Variants in RCN3 observed in about 807,000 individuals in gnomAD.
RCN3 encodes the protein reticulocalbin-3.
RCN3 carries 41 observed loss-of-function variants against 35.9 expected under a neutral mutation model. The ratio of observed to expected loss-of-function variants is 1.14; its 90% CI spans 0.89 to 1.48. The LOEUF (loss-of-function observed/expected upper bound fraction) is 1.48, where lower values mean the gene tolerates loss of function less well. RCN3 is among the 40% of genes most tolerant of loss of function. The pLI, the probability that RCN3 is intolerant of heterozygous loss-of-function variation, is 0.00. For missense variants in RCN3, 451 were observed against 471.3 expected (o/e 0.96, Z 0.40); for synonymous variants, 187 against 193.4 (o/e 0.97, Z 0.27).
rs948281798 is a variant in RCN3, at chr19:49,543,222, C to T, written c.*9C>T. On this transcript the variant is annotated 3_prime_UTR_variant, in exon 7 of 7. Coordinates refer to ENST00000270645, the MANE Select transcript of RCN3 (RefSeq NM_020650.3). ...ACCACGATGAGCTGTGAGCACCGCG[C>T]ACCTGCCACAGCCTCAGAGGCCCGC... 5.0e-6 allele frequency: 8 copies of T among 1,598,062 alleles called. No homozygotes were observed. In the Admixed American group the frequency reaches 1.4e-4, roughly 27 times the overall value.
intron 5 of RCN3, 52 bp downstream of exon 5, chr19:49,539,231 G>A: frequency 1.3e-6 from 2 of 1,490,652 alleles, no homozygotes. Context: ...TCAGGCATGG[G>A]CAGGGTTGGT....
At chr19:49,533,377 G>T (rs79476680) in intron 2 of RCN3, among the ~76,000 whole-genome samples, 15,222 of 152,192 alleles carry the variant, frequency 0.1, 888 homozygotes, top group African/African-American at 0.14. Flanking sequence ...GAGGGCTCCA[G>T]GTAGTCTCTG....
At chr19:49,539,681 G>A (rs963696663) in intron 5 of RCN3, among the ~76,000 whole-genome samples, 3 of 151,566 alleles carry the variant, frequency 2.0e-5, no homozygotes, top group African/African-American at 4.9e-5. Context: ...TGCCCCTAGC[G>A]GGCAAAAAAT....
intron 2 of RCN3, among the ~76,000 whole-genome samples, chr19:49,532,536 C>A (rs890820783): frequency 6.6e-6 from 1 of 152,042 alleles, no homozygotes; most frequent in Admixed American, 6.6e-5. Flanking sequence ...CCACTGTGCC[C>A]GGCTACTTTT....
chr19:49,530,647 C>T (rs1240385442), intron 2 of RCN3, among the ~76,000 whole-genome samples: 1 of 151,844 alleles, frequency 6.6e-6, no homozygotes. Context: ...CAGGCATGCA[C>T]CACCATGCCC....
At position 49,534,221 on chromosome 19, in the gene RCN3, G is replaced by A; in HGVS notation, c.271G>A (p.Gly91Arg). 1.3e-6 allele frequency: 2 copies of A among 1,487,636 alleles called. No homozygotes were observed. The highest frequency in any genetic ancestry group is 1.8e-6 in the Non-Finnish European group (2 of 1,123,610). 92.2% of individuals were successfully genotyped at this position (1,487,636 alleles called of 1,614,324 possible). A position where few individuals can be genotyped will look rare whatever the true frequency, so the allele number is the denominator to read the frequency against. The stretch of plus-strand genomic sequence containing the variant: ...GATCGTGGACCGCATGGACCGCGCG[G>A]GGGACGGCGACGGCTGGGTGTCGCT... ...GRIVDRMDRA[G>R]DGDGWVSLAE... The change falls in exon 3 of 7, where the codon GGG (glycine) becomes AGG (arginine). Residue 91 changes from glycine (G) to arginine (R), a missense_variant. Physicochemically the swap from Gly to Arg is moderately radical, Grantham distance 125. Coordinates refer to ENST00000270645, the MANE Select transcript of RCN3 (RefSeq NM_020650.3).
chr19:49,534,369 A>T lies in RCN3; in HGVS notation c.419A>T (p.Asn140Ile). 1.3e-6 allele frequency: 2 copies of T among 1,537,782 alleles called. No individual in the cohort carries two copies. The highest frequency in any genetic ancestry group is 1.7e-6 in the Non-Finnish European group (2 of 1,143,650). ...DGRVGWEELRNATYGHYAPGE... is the reference protein window; with the variant it reads ...DGRVGWEELRIATYGHYAPGE... ...CGTGTGGGTTGGGAGGAGCTGCGCAACGCCACCTATGGCCACTACGCGCCC... is the reference window on the plus strand; with the variant it reads ...CGTGTGGGTTGGGAGGAGCTGCGCATCGCCACCTATGGCCACTACGCGCCC... Residue 140 changes from asparagine (N) to isoleucine (I), a missense_variant, in exon 3 of 7, where the codon AAC (asparagine) becomes ATC (isoleucine). Physicochemically the swap from Asn to Ile is moderately radical, Grantham distance 149 (BLOSUM62 -3). Coordinates refer to ENST00000270645, the MANE Select transcript of RCN3 (RefSeq NM_020650.3).
intron 4 of RCN3, among the ~76,000 whole-genome samples, chr19:49,538,605 C>T (rs571389826): frequency 1.1e-3 from 165 of 152,234 alleles, no homozygotes; most frequent in Non-Finnish European, 1.0e-3. Context: ...AGCCACCGTG[C>T]CCAGCCCACA....
intron 2 of RCN3, among the ~76,000 whole-genome samples, chr19:49,531,799 GTTA>G (rs1029877941): frequency 6.6e-6 from 1 of 151,998 alleles, no homozygotes; most frequent in Non-Finnish European, 1.5e-5. Flanking sequence ...CTTTATTATT[GTTA>G]TTATTATTAT....
At chr19:49,541,118 C>T (rs926453345) in intron 5 of RCN3, among the ~76,000 whole-genome samples, 3 of 151,840 alleles carry the variant, frequency 2.0e-5, no homozygotes, top group African/African-American at 4.8e-5. Context: ...TTAGTAGAGA[C>T]GGGGTTTCAC....
rs201381223 is a variant in RCN3, at chr19:49,528,682, A to T, written c.210A>T (p.Gln70His). Residue 70 changes from glutamine (Q) to histidine (H), a missense_variant, in exon 2 of 7, where the codon CAA becomes CAT. Gln to His is a conservative substitution (Grantham distance 24). Coordinates refer to ENST00000270645, the MANE Select transcript of RCN3 (RefSeq NM_020650.3). The stretch of plus-strand genomic sequence containing the variant: ...GGGAAGTGGCCAAGGAATTCGACCA[A>T]CTCACCCCAGAGGAAAGCCAGGCCC... Reference protein sequence around the residue: ...LGREVAKEFDQLTPEESQARL... With the variant: ...LGREVAKEFDHLTPEESQARL... 2.5e-6 allele frequency: 4 copies of T among 1,606,056 alleles called. No homozygotes were observed. Among genetic ancestry groups the T allele is most frequent in the Non-Finnish European group, 3.4e-6 (4 of 1,176,312 alleles).
Position 49,539,128 on chromosome 19 carries a change from G to C in RCN3, c.628G>C (p.Glu210Gln), listed in dbSNP as rs750881502. 6.2e-7 allele frequency: 1 copy of C among 1,604,308 alleles called. No homozygotes were observed. Among genetic ancestry groups the C allele is most frequent in the South Asian group, 1.1e-5 (1 of 89,750 alleles). ...CCCCTTTCTCCTCCAGGAAACCCTG[G>C]AGGACCTGGACAGAAACAAAGATGG... is the stretch of plus-strand genomic sequence containing the variant. ...MRDIVIAETL[E>Q]DLDRNKDGYV... Residue 210 changes from glutamate to glutamine, a missense_variant, in exon 5 of 7, where the codon GAG becomes CAG. Physicochemically the swap from Glu to Gln is conservative, Grantham distance 29 (BLOSUM62 2). Transcript: ENST00000270645.
At chr19:49,541,748 G>A (rs1478981961) in intron 5 of RCN3, among the ~76,000 whole-genome samples, 1 of 151,736 alleles carries the variant, frequency 6.6e-6, no homozygotes, top group African/African-American at 2.4e-5. Flanking sequence ...TTGGGAGACT[G>A]AGGCAGGTGG....
chr19:49,542,821 C>G (rs2080169897), intron 6 of RCN3, 69 bp downstream of exon 6: 2 of 1,411,060 alleles, frequency 1.4e-6, no homozygotes, highest in African/African-American at 2.8e-5. Flanking sequence ...CAGAAAGGAG[C>G]AAGACCTGGG....
chr19:49,535,959 T>C (rs1332000921), intron 3 of RCN3, among the ~76,000 whole-genome samples: 1 of 148,192 alleles, frequency 6.7e-6, no homozygotes, highest in Non-Finnish European at 1.5e-5. Context: ...CTTAAATATA[T>C]ATACAAATTA....
At chr19:49,542,402 C>T in intron 5 of RCN3, 151 bp from the exon 6 acceptor site, 2 of 577,034 alleles carry the variant, frequency 3.5e-6, no homozygotes, top group Non-Finnish European at 6.2e-6. Flanking sequence ...TTACTAATTC[C>T]ATCGAAACAG....
chr19:49,530,747 C>T (rs1413825353), intron 2 of RCN3, among the ~76,000 whole-genome samples: 1 of 152,096 alleles, frequency 6.6e-6, no homozygotes, highest in Non-Finnish European at 1.5e-5. Context: ...CTGCCCACCT[C>T]GGCCTCCCGA....
chr19:49,538,169 T>TC (rs1455735259), intron 4 of RCN3, among the ~76,000 whole-genome samples: 1 of 149,610 alleles, frequency 6.7e-6, no homozygotes, highest in Admixed American at 6.7e-5. Flanking sequence ...ATGTTTTTTT[T>TC]TTTTTTTTTT....
intron 2 of RCN3, among the ~76,000 whole-genome samples, chr19:49,533,057 G>A (rs1206170017): frequency 1.3e-5 from 2 of 152,078 alleles, no homozygotes; most frequent in African/African-American, 2.4e-5. Context: ...TTCTTCCTCC[G>A]TTTTACAGAG....
Sources: allele counts gnomAD v4.1 joint callset (sites outside exome capture counted in the v4.1 genomes callset), GRCh38; gene constraint gnomAD v4.1.1; transcripts MANE v1.5; gene names NCBI Gene and HGNC (gene_info 2026-07-23, HGNC 2026-07-21).